Variants in UBE2V2 observed in about 807,000 individuals in gnomAD.
The protein encoded by UBE2V2 is ubiquitin conjugating enzyme E2 V2.
A neutral mutation model predicts 17.2 loss-of-function variants in UBE2V2; 9 were observed. That is an observed-to-expected ratio of 0.52 (90% CI 0.32 to 0.91). The LOEUF (loss-of-function observed/expected upper bound fraction) is 0.91, where lower values mean the gene tolerates loss of function less well. Among genes scored for constraint, UBE2V2 ranks in the 40% least tolerant of loss-of-function variants. UBE2V2 has a pLI of 0.04. For missense variants in UBE2V2, 133 were observed against 182.6 expected, an observed-to-expected ratio of 0.73 and a Z score of 1.56; for synonymous variants, 61 against 57.5, an observed-to-expected ratio of 1.06 and a Z score of -0.28.
rs1372279566 is a variant in UBE2V2 at position 48,054,581 on chromosome 8, GT to G, written c.291+4604del. The stretch of plus-strand genomic sequence containing the variant: ...GTTTGGATTATTACTTTTATAACTA[GT>G]AAATGGTACAGAATTTCACATTGGT... On this transcript the variant is annotated intron_variant, in intron 3 of 3. Coordinates refer to ENST00000523111, the MANE Select transcript of UBE2V2 (RefSeq NM_003350.3). Among the ~76,000 whole-genome samples the G allele has an allele frequency of 2.0e-5, 3 of 152,162 alleles. No homozygotes were observed. The East Asian group carries it at 5.8e-4, about 29-fold the overall frequency.
Position 48,051,442 on chromosome 8 carries a change from A to G in UBE2V2, c.291+1464A>G, listed in dbSNP as rs45590532. On this transcript the variant is annotated intron_variant, in intron 3 of 3. Coordinates refer to ENST00000523111, the MANE Select transcript of UBE2V2 (RefSeq NM_003350.3). Reference sequence around the variant, plus strand: ...CTCTACCAGTGTATTTTGTACTACAAATGTATCACATATGTACACAAATTC... The same window carrying G: ...CTCTACCAGTGTATTTTGTACTACAGATGTATCACATATGTACACAAATTC... Among the ~76,000 whole-genome samples, 142 of 152,156 alleles carry G rather than the reference A, an allele frequency of 9.3e-4. 3 individuals are homozygous for G. In the East Asian group the frequency reaches 0.023, roughly 24 times the overall value.
chr8:48,039,266 G>A (rs914765331), intron 1 of UBE2V2, among the ~76,000 whole-genome samples: 1 of 152,096 alleles, frequency 6.6e-6, no homozygotes, highest in African/African-American at 2.4e-5. Context: ...ATGTATATAT[G>A]TATAAAAACT....
Position 48,040,103 on chromosome 8 carries a change from C to T in UBE2V2, c.17-2930C>T, listed in dbSNP as rs576568577. 5.3e-5 allele frequency among the ~76,000 whole-genome samples: 8 copies of T among 149,724 alleles called. No homozygotes were observed. In the South Asian group the frequency reaches 1.1e-3, roughly 20 times the overall value. On this transcript the variant is annotated intron_variant, in intron 1 of 3. Coordinates refer to ENST00000523111, the MANE Select transcript of UBE2V2 (RefSeq NM_003350.3). Reference sequence around the variant, plus strand: ...TGCAGAAAAGTTAACATAAGTAGTACGAAGGATTCCCATATACCTTCATGC... The same window carrying T: ...TGCAGAAAAGTTAACATAAGTAGTATGAAGGATTCCCATATACCTTCATGC...
the UBE2V2 span, among the ~76,000 whole-genome samples, chr8:48,001,432 CTACAAAAAA>C: frequency 6.6e-6 from 1 of 151,906 alleles, no homozygotes; most frequent in African/African-American, 2.4e-5. Flanking sequence ...AAACCTGTCT[CTACAAAAAA>C]TACAACAGAT....
chr8:48,033,069 G>C (rs1019853430), intron 1 of UBE2V2, among the ~76,000 whole-genome samples: 7 of 152,160 alleles, frequency 4.6e-5, no homozygotes, highest in South Asian at 2.1e-4. Flanking sequence ...GTACAAGACA[G>C]AGTAAAGTTA....
At chr8:48,029,509 C>G (rs1205288085) in intron 1 of UBE2V2, among the ~76,000 whole-genome samples, 1 of 152,154 alleles carries the variant, frequency 6.6e-6, no homozygotes, top group Non-Finnish European at 1.5e-5. Flanking sequence ...GAGGTTTAAT[C>G]TCACTAAAAA....
At chr8:48,059,414 CT>C (rs562707738) in intron 3 of UBE2V2, among the ~76,000 whole-genome samples, 130 of 143,414 alleles carry the variant, frequency 9.1e-4, no homozygotes, top group Admixed American at 1.1e-3. Context: ...TACCTTCCTG[CT>C]TTTTTTTTTT....
At chr8:48,037,515 T>G (rs2091432693) in intron 1 of UBE2V2, among the ~76,000 whole-genome samples, 1 of 152,238 alleles carries the variant, frequency 6.6e-6, no homozygotes, top group Non-Finnish European at 1.5e-5. Context: ...GAAAGCACTT[T>G]GCTCAGTCAT....
At chr8:48,024,629 T>G (rs2091327682) in intron 1 of UBE2V2, among the ~76,000 whole-genome samples, 1 of 152,038 alleles carries the variant, frequency 6.6e-6, no homozygotes, top group Non-Finnish European at 1.5e-5. Context: ...AAATACTGCT[T>G]CTGTATCACA....
intron 2 of UBE2V2, 78 bp from the exon 3 acceptor site, chr8:48,049,775 C>CTTTT: frequency 2.7e-6 from 3 of 1,092,942 alleles, no homozygotes; most frequent in Non-Finnish European, 3.8e-6. Flanking sequence ...TGTACTTTCC[C>CTTTT]TTTTTTTTTT....
intron 1 of UBE2V2, among the ~76,000 whole-genome samples, chr8:48,028,932 G>A (rs1279747305): frequency 6.6e-6 from 1 of 152,126 alleles, no homozygotes; most frequent in Non-Finnish European, 1.5e-5. Flanking sequence ...CTTTCTTGAT[G>A]TTGTCCTTTG....
chr8:48,032,039 G>A (rs1304988624), intron 1 of UBE2V2, among the ~76,000 whole-genome samples: 1 of 152,102 alleles, frequency 6.6e-6, no homozygotes, highest in Non-Finnish European at 1.5e-5. Flanking sequence ...TTGGTAGAGT[G>A]TTTAAATTTT....
intron 1 of UBE2V2, among the ~76,000 whole-genome samples, chr8:48,016,781 CTTT>C (rs554494819): frequency 2.3e-5 from 3 of 128,458 alleles, no homozygotes; most frequent in Non-Finnish European, 1.7e-5. Context: ...CGTGCCCAGC[CTTT>C]TTTTTTTTTT....
upstream of UBE2V2, among the ~76,000 whole-genome samples, chr8:48,007,005 C>T (rs182164285): frequency 5.3e-4 from 81 of 152,004 alleles, no homozygotes; most frequent in African/African-American, 1.7e-3. Flanking sequence ...CTCAGCCTCC[C>T]GAGTAGCTGG....
At chr8:48,036,155 A>C (rs1050552844) in intron 1 of UBE2V2, among the ~76,000 whole-genome samples, 1 of 151,058 alleles carries the variant, frequency 6.6e-6, no homozygotes, top group Non-Finnish European at 1.5e-5. Context: ...GGGGTTTTGC[A>C]TGTTGCTCAG....
intron 1 of UBE2V2, among the ~76,000 whole-genome samples, chr8:48,012,214 A>G (rs898232067): frequency 6.6e-6 from 1 of 152,160 alleles, no homozygotes; most frequent in Non-Finnish European, 1.5e-5. Context: ...TCAGACTCTT[A>G]GATCCTTCTT....
chr8:48,009,267 CTTTTTTT>C (rs143794770), intron 1 of UBE2V2, among the ~76,000 whole-genome samples: 1 of 133,804 alleles, frequency 7.5e-6, no homozygotes, highest in African/African-American at 2.7e-5. Flanking sequence ...CTTTTCTTTT[CTTTTTTT>C]TTTTTTTTTT....
At chr8:47,999,044 G>A in the UBE2V2 span, among the ~76,000 whole-genome samples, 6 of 152,154 alleles carry the variant, frequency 3.9e-5, no homozygotes, top group Admixed American at 6.5e-5. Flanking sequence ...TCCCCTATGC[G>A]GTCTGAGTGG....
rs139140150 is a variant in UBE2V2 at position 48,029,649 on chromosome 8, T to C, written c.17-13384T>C. Among the ~76,000 whole-genome samples the C allele has an allele frequency of 4.9e-3, 751 of 152,348 alleles. 8 individuals are homozygous for C. The highest frequency in any genetic ancestry group is 0.017 in the African/African-American group (713 of 41,586). ...AAAGTACAGACAGTGCATTGCTTGG[T>C]GTACTGCTCTTCATGCCATTGTCAT... is the stretch of plus-strand genomic sequence containing the variant. On this transcript the variant is annotated intron_variant, in intron 1 of 3. Coordinates refer to ENST00000523111, the MANE Select transcript of UBE2V2 (RefSeq NM_003350.3).
Sources: allele counts gnomAD v4.1 joint callset (sites outside exome capture counted in the v4.1 genomes callset), GRCh38; gene constraint gnomAD v4.1.1; transcripts MANE v1.5; gene names NCBI Gene and HGNC (gene_info 2026-07-23, HGNC 2026-07-21).